Variants in PIP4K2B observed in about 807,000 individuals in gnomAD.
The protein encoded by PIP4K2B is phosphatidylinositol 5-phosphate 4-kinase type-2 beta.
A neutral mutation model predicts 42.0 loss-of-function variants in PIP4K2B; 3 were observed. The observed-to-expected ratio is 0.07, with a 90% CI of 0.03 to 0.18. The LOEUF (loss-of-function observed/expected upper bound fraction) is 0.18, where lower values mean the gene tolerates loss of function less well. Ranked by LOEUF, PIP4K2B falls within the 10% of genes least tolerant of loss-of-function variation. The pLI, the probability that PIP4K2B is intolerant of heterozygous loss-of-function variation, is 1.00. For missense variants in PIP4K2B, 332 were observed against 562.3 expected (o/e 0.59, Z 4.14); for synonymous variants, 204 against 210.1 (o/e 0.97, Z 0.25).
rs558241939 is a variant in PIP4K2B at position 38,784,199 on chromosome 17, C to T, written c.354+44G>A. ...TACCTGTCCTGTGGCTTCCTGACCC[C>T]ATTCCATTCCCTAATCCACTGATGT... On this transcript the variant is annotated intron_variant, in intron 3 of 9. Coordinates refer to ENST00000619039, the MANE Select transcript of PIP4K2B (RefSeq NM_003559.5). 22 of 1,180,994 alleles carry T rather than the reference C, an allele frequency of 1.9e-5. No homozygotes were observed. In the South Asian group the frequency reaches 2.3e-4, roughly 13 times the overall value. The allele number at this position is 1,180,994 out of a possible 1,614,324, so 73.2% of individuals were successfully genotyped here.
chr17:38,772,971 C>T (rs1909127785), intron 7 of PIP4K2B, among the ~76,000 whole-genome samples: 1 of 152,174 alleles, frequency 6.6e-6, no homozygotes, highest in Admixed American at 6.5e-5. Context: ...AACAAATCTT[C>T]TATCCGTGAA....
At position 38,786,815 on chromosome 17, in the gene PIP4K2B, CAACT is replaced by C; in HGVS notation, c.257+4_257+7del. The C allele has an allele frequency of 6.3e-7, 1 of 1,578,282 alleles. No homozygotes were observed. Among genetic ancestry groups the C allele is most frequent in the Non-Finnish European group, 8.7e-7 (1 of 1,147,390 alleles). On this transcript the variant is annotated splice_donor_5th_base_variant and intron_variant, in intron 2 of 9. Coordinates refer to ENST00000619039, the MANE Select transcript of PIP4K2B (RefSeq NM_003559.5). Reference sequence around the variant, plus strand: ...ACAAAACCTGAGTCCACTCAGTAGACAACTTACTTATTGAAGAGATGATTGTCCA... The same window carrying C: ...ACAAAACCTGAGTCCACTCAGTAGACTACTTATTGAAGAGATGATTGTCCA...
intron 1 of PIP4K2B, among the ~76,000 whole-genome samples, chr17:38,791,306 G>A (rs996355570): frequency 6.6e-6 from 1 of 151,248 alleles, no homozygotes; most frequent in Non-Finnish European, 1.5e-5. Flanking sequence ...CTACACTCCT[G>A]CTTAGAAATC....
At chr17:38,784,850 C>T (rs1909922087) in intron 2 of PIP4K2B, among the ~76,000 whole-genome samples, 1 of 152,156 alleles carries the variant, frequency 6.6e-6, no homozygotes, top group Admixed American at 6.5e-5. Flanking sequence ...GCAGGCTCCA[C>T]CTCACAAGCA....
intron 1 of PIP4K2B, among the ~76,000 whole-genome samples, chr17:38,797,019 A>C (rs1301546898): frequency 6.6e-6 from 1 of 152,152 alleles, no homozygotes; most frequent in African/African-American, 2.4e-5. Flanking sequence ...GCAGACCAGG[A>C]TGAAGCAATA....
chr17:38,797,302 T>C (rs1227054424), intron 1 of PIP4K2B, among the ~76,000 whole-genome samples: 1 of 152,218 alleles, frequency 6.6e-6, no homozygotes, highest in East Asian at 1.9e-4. Flanking sequence ...GACAGACTCA[T>C]GCCTGCCTAT....
intron 7 of PIP4K2B, chr17:38,776,709 T>TC (rs942952152): frequency 1.3e-5 from 5 of 385,992 alleles, no homozygotes; most frequent in African/African-American, 6.4e-5. Context: ...AAATTTTTTT[T>TC]CCCAAGTTTG....
intron 1 of PIP4K2B, among the ~76,000 whole-genome samples, chr17:38,798,289 G>A (rs1170812960): frequency 1.3e-5 from 2 of 152,140 alleles, no homozygotes; most frequent in African/African-American, 4.8e-5. Flanking sequence ...TCCTAGTGTG[G>A]GGATTCATAA....
intron 4 of PIP4K2B, chr17:38,779,892 G>C (rs547080876): frequency 4.2e-6 from 1 of 236,118 alleles, no homozygotes; most frequent in East Asian, 8.7e-5. Flanking sequence ...AATGCCGCAG[G>C]GAAGAGACAG....
chr17:38,798,603 A>T (rs202236046), intron 1 of PIP4K2B, among the ~76,000 whole-genome samples: 1 of 152,306 alleles, frequency 6.6e-6, no homozygotes, highest in East Asian at 1.9e-4. Flanking sequence ...CCTCCTTATA[A>T]CCAGGCATCC....
At position 38,766,368 on chromosome 17, in the gene PIP4K2B, T is replaced by TG. The variant is rs1277953140; in HGVS notation, c.*3322dup. ...CCCAACACCTGAGTAACTCACATGC[T>TG]GGGGTGCTGCAGTTTTCTCTCCCAC... On this transcript the variant is annotated 3_prime_UTR_variant, in exon 10 of 10. Transcript: ENST00000619039. The TG allele has an allele frequency of 6.5e-6, 1 of 152,680 alleles. No homozygotes were observed. Among genetic ancestry groups the TG allele is most frequent in the Non-Finnish European group, 1.5e-5 (1 of 68,098 alleles). 9.5% of individuals were successfully genotyped at this position (152,680 alleles called of 1,614,324 possible). A position where few individuals can be genotyped will look rare whatever the true frequency, so the allele number is the denominator to read the frequency against.
chr17:38,770,871 G>T, intron 8 of PIP4K2B, 143 bp downstream of exon 8: 2 of 909,124 alleles, frequency 2.2e-6, no homozygotes, highest in Non-Finnish European at 3.3e-6. Context: ...GGTGACCCTG[G>T]ATGGGAATCT....
At chr17:38,791,004 G>T (rs928022885) in intron 1 of PIP4K2B, among the ~76,000 whole-genome samples, 1 of 152,216 alleles carries the variant, frequency 6.6e-6, no homozygotes, top group East Asian at 1.9e-4. Context: ...GTGGGAGGAG[G>T]AGAACACAAG....
intron 1 of PIP4K2B, among the ~76,000 whole-genome samples, chr17:38,797,205 C>A (rs754165970): frequency 6.6e-6 from 1 of 152,236 alleles, no homozygotes; most frequent in South Asian, 2.1e-4. Context: ...AAAAGATGAC[C>A]ACTTTGTCCA....
intron 7 of PIP4K2B, among the ~76,000 whole-genome samples, chr17:38,772,660 C>A (rs1909111111): frequency 6.6e-6 from 1 of 152,218 alleles, no homozygotes; most frequent in Non-Finnish European, 1.5e-5. Flanking sequence ...CGGCTCACTG[C>A]AACCTCCACC....
intron 7 of PIP4K2B, among the ~76,000 whole-genome samples, chr17:38,776,949 G>A (rs150263557): frequency 6.6e-6 from 1 of 152,316 alleles, no homozygotes; most frequent in Non-Finnish European, 1.5e-5. Flanking sequence ...CCAGGCTGGA[G>A]CACAGTGGCA....
At chr17:38,786,627 G>A (rs915435010) in intron 2 of PIP4K2B, among the ~76,000 whole-genome samples, 196 bp downstream of exon 2, 1 of 152,222 alleles carries the variant, frequency 6.6e-6, no homozygotes, top group African/African-American at 2.4e-5. Flanking sequence ...ATAATAGAGT[G>A]AGACGACAAT....
In PIP4K2B at chr17:38,770,487, T is replaced by G; in HGVS notation, c.1119A>C (p.Pro373=). The G allele has an allele frequency of 6.2e-7, 1 of 1,612,666 alleles. No homozygotes were observed. The highest frequency in any genetic ancestry group is 8.5e-7 in the Non-Finnish European group (1 of 1,178,874). The change falls in exon 9 of 10, where the codon CCA becomes CCC. Residue 373 remains proline, a synonymous_variant. Coordinates refer to ENST00000619039, the MANE Select transcript of PIP4K2B (RefSeq NM_003559.5). ...YFMAIIDILT[P]YDTKKKAAHA... is the part of the protein sequence containing the mutation. ...GTGCAGCTTTCTTCTTTGTATCGTA[T>G]GGCGTGAGGATATCAATGATGGCCA...
At chr17:38,781,629 G>A (rs1392859228) in intron 3 of PIP4K2B, among the ~76,000 whole-genome samples, 6 of 151,912 alleles carry the variant, frequency 3.9e-5, no homozygotes, top group African/African-American at 7.3e-5. Flanking sequence ...TGATCCTCCC[G>A]CCTCAGCCTA....
Sources: gnomAD v4.1 joint callset for allele counts (sites outside exome capture counted in the v4.1 genomes callset) on GRCh38, gnomAD v4.1.1 for gene constraint, MANE v1.5 for transcripts, NCBI Gene and HGNC (gene_info 2026-07-23, HGNC 2026-07-21) for gene names.